Variants in ABAT observed in about 807,000 individuals in gnomAD.
The protein encoded by ABAT is 4-aminobutyrate aminotransferase.
ABAT carries 45 observed loss-of-function variants against 64.6 expected under a neutral mutation model. That is an observed-to-expected ratio of 0.70 (90% confidence interval 0.55 to 0.89). ABAT has a LOEUF of 0.89. ABAT is among the 40% of genes least tolerant of loss of function. The pLI is 0.00. For missense variants in ABAT, 633 were observed against 658.4 expected, an observed-to-expected ratio of 0.96 and a Z score of 0.42; for synonymous variants, 297 against 250.5, an observed-to-expected ratio of 1.19 and a Z score of -1.75.
chr16:8,762,705 C>T (rs1354638470), intron 6 of ABAT, among the ~76,000 whole-genome samples: 2 of 152,154 alleles, frequency 1.3e-5, no homozygotes, highest in Non-Finnish European at 2.9e-5. Context: ...CTTCTGGGAG[C>T]CATTTCCCTG....
Position 8,740,112 on chromosome 16 carries a change from A to T in ABAT, c.70+4303A>T, listed in dbSNP as rs145562865. ...ACTCCTTAAGGTAAAGGAAACTTCA[A>T]GTCAGGGAAATTAAGTTGCCAGAGC... On this transcript the variant is annotated intron_variant, in intron 2 of 15. Transcript: ENST00000268251. Among the ~76,000 whole-genome samples, 76 of 152,182 alleles carry T rather than the reference A, an allele frequency of 5.0e-4. 1 individual carries two copies. In the South Asian group the frequency reaches 5.4e-3, roughly 11 times the overall value.
intron 1 of ABAT, among the ~76,000 whole-genome samples, chr16:8,705,726 G>GT (rs2057925706): frequency 2.0e-5 from 3 of 152,050 alleles, no homozygotes; most frequent in African/African-American, 7.2e-5. Context: ...GGTTTTAGTT[G>GT]TTTTTTTGTT....
At chr16:8,681,886 C>G (rs1013876530) in intron 1 of ABAT, among the ~76,000 whole-genome samples, 1 of 152,088 alleles carries the variant, frequency 6.6e-6, no homozygotes, top group African/African-American at 2.4e-5. Context: ...AGGTGATCCA[C>G]CCGCCTCGGC....
At chr16:8,766,156 C>T (rs367899389) in intron 8 of ABAT, 52 bp from the exon 9 acceptor site, 40 of 1,562,360 alleles carry the variant, frequency 2.6e-5, no homozygotes, top group Non-Finnish European at 3.4e-5. Context: ...AAAGATGAAG[C>T]CCCGACTACC....
intron 2 of ABAT, among the ~76,000 whole-genome samples, chr16:8,744,937 C>T (rs189018115): frequency 1.3e-5 from 2 of 152,272 alleles, no homozygotes; most frequent in East Asian, 3.9e-4. Flanking sequence ...GACTATGCCA[C>T]ATTCTGCTTA....
At chr16:8,690,478 AT>A (rs1014334016) in intron 1 of ABAT, among the ~76,000 whole-genome samples, 4 of 152,150 alleles carry the variant, frequency 2.6e-5, no homozygotes, top group African/African-American at 9.7e-5. Context: ...ATTTTTCTAC[AT>A]TTTTTGTGGT....
chr16:8,731,826 G>C (rs1001156861), intron 1 of ABAT, among the ~76,000 whole-genome samples: 1 of 151,120 alleles, frequency 6.6e-6, no homozygotes, highest in African/African-American at 2.5e-5. Flanking sequence ...CCCAGCCCTC[G>C]GCAACCTCTT....
intron 1 of ABAT, among the ~76,000 whole-genome samples, chr16:8,675,306 G>A (rs992204872): frequency 3.9e-5 from 6 of 152,048 alleles, no homozygotes; most frequent in Non-Finnish European, 8.8e-5. Context: ...CAGAGAGGCA[G>A]GGTGGCCTCT....
Position 8,781,145 on chromosome 16 carries a change from T to G in ABAT, c.1382-164T>G. On this transcript the variant is annotated intron_variant, in intron 15 of 15. Coordinates refer to ENST00000268251, the MANE Select transcript of ABAT (RefSeq NM_020686.6). The surrounding 1 kb of genome is among the most constrained non-coding windows in gnomAD (Gnocchi z 4.5). Reference sequence around the variant, plus strand: ...AGAGAGAAAGGAAATGAAGACTGGATGGGTGGGTGGTAGGAAGGAAGCCCG... The same window carrying G: ...AGAGAGAAAGGAAATGAAGACTGGAGGGGTGGGTGGTAGGAAGGAAGCCCG... The G allele has an allele frequency of 5.2e-6, 5 of 964,912 alleles. No individual in the cohort carries two copies. Among genetic ancestry groups the G allele is most frequent in the Non-Finnish European group, 8.4e-6 (5 of 598,028 alleles). The allele number at this position is 964,912 out of a possible 1,614,324, so 59.8% of individuals were successfully genotyped here. A position where few individuals can be genotyped will look rare whatever the true frequency, so the allele number is the denominator to read the frequency against.
chr16:8,679,964 G>GGCATC lies in ABAT; in HGVS notation c.-42+5254_-42+5258dup, dbSNP rs149503538. On this transcript the variant is annotated intron_variant, in intron 1 of 15. Coordinates refer to ENST00000268251, the MANE Select transcript of ABAT (RefSeq NM_020686.6). ...GTCTTGCCCGTTGCAGGGATGGGAT[G>GGCATC]GCATCATGTGGCCTCTAATTACACA... 3.2e-3 allele frequency among the ~76,000 whole-genome samples: 484 copies of GGCATC among 152,192 alleles called. 2 individuals carry two copies. Among genetic ancestry groups the GGCATC allele is most frequent in the African/African-American group, 0.011 (466 of 41,532 alleles).
At chr16:8,723,826 T>C (rs1567286185) in intron 1 of ABAT, among the ~76,000 whole-genome samples, 1 of 53,898 alleles carries the variant, frequency 1.9e-5, no homozygotes. Context: ...TATATATATA[T>C]ATTTTTTTTT....
rs572433728 is a variant in ABAT, at chr16:8,757,437, G to A, written c.317-320G>A. 2.1e-4 allele frequency: 80 copies of A among 373,862 alleles called. 1 individual carries two copies. Among genetic ancestry groups the A allele is most frequent in the African/African-American group, 1.7e-3 (77 of 46,416 alleles). The allele number at this position is 373,862 out of a possible 1,614,324, so 23.2% of individuals were successfully genotyped here. ...CCCGCCTTGGCCTCCCGAAGTGCTG[G>A]GATTACAGGTGTGAGCCACCACACG... On this transcript the variant is annotated intron_variant, in intron 5 of 15. Coordinates refer to ENST00000268251, the MANE Select transcript of ABAT (RefSeq NM_020686.6).
At chr16:8,730,688 T>C (rs2058692759) in intron 1 of ABAT, among the ~76,000 whole-genome samples, 1 of 151,918 alleles carries the variant, frequency 6.6e-6, no homozygotes, top group African/African-American at 2.4e-5. Flanking sequence ...TGGGGCTGGG[T>C]AGAGTTAGGC....
At chr16:8,679,867 G>T (rs918094602) in intron 1 of ABAT, among the ~76,000 whole-genome samples, 5 of 152,074 alleles carry the variant, frequency 3.3e-5, no homozygotes, top group African/African-American at 1.2e-4. Context: ...TTCTGAGGGG[G>T]TCTGTGCTAT....
At chr16:8,679,637 C>T (rs1201251232) in intron 1 of ABAT, among the ~76,000 whole-genome samples, 2 of 151,798 alleles carry the variant, frequency 1.3e-5, no homozygotes, top group Non-Finnish European at 2.9e-5. Flanking sequence ...TTAGTAGGTG[C>T]TTAATTAACA....
intron 1 of ABAT, chr16:8,722,712 G>C (rs1268712324): frequency 1.2e-6 from 1 of 808,436 alleles, no homozygotes; most frequent in African/African-American, 1.8e-5. Flanking sequence ...GCGTGCCAGT[G>C]CTCTGAAAGC....
At chr16:8,773,158 A>ATATATATTTTTTT (rs1158968222) in intron 12 of ABAT, among the ~76,000 whole-genome samples, 1 of 126,992 alleles carries the variant, frequency 7.9e-6, no homozygotes, top group African/African-American at 3.3e-5. Context: ...ATATATATAT[A>ATATATATTTTTTT]TTTTTTTTTT....
rs923779692 is a variant in ABAT, at chr16:8,776,586, G to C, written c.1269+96G>C. 3 of 1,319,356 alleles carry C rather than the reference G, an allele frequency of 2.3e-6. No homozygotes were observed. Among genetic ancestry groups the C allele is most frequent in the African/African-American group, 2.9e-5 (2 of 68,612 alleles). The allele number at this position is 1,319,356 out of a possible 1,614,324, so 81.7% of individuals were successfully genotyped here. On this transcript the variant is annotated intron_variant, in intron 14 of 15. Transcript: ENST00000268251. This position sits in a 1 kb window ranked among gnomAD's most constrained non-coding sequence, Gnocchi z 4.4. ...AGCTCTTCGGCATGGTGTTGTGCCT[G>C]CTGTTCCAGCAGTTCGTAACGGGCT...
intron 1 of ABAT, among the ~76,000 whole-genome samples, chr16:8,687,428 A>G (rs1343371045): frequency 6.6e-6 from 1 of 152,208 alleles, no homozygotes; most frequent in Non-Finnish European, 1.5e-5. Flanking sequence ...CGGGAGGCTG[A>G]GGCAGGAGAA....
Sources: allele counts gnomAD v4.1 joint callset (sites outside exome capture counted in the v4.1 genomes callset), GRCh38; gene constraint gnomAD v4.1.1; non-coding constraint Gnocchi (gnomAD v3.1); transcripts MANE v1.5; gene names NCBI Gene and HGNC (gene_info 2026-07-23, HGNC 2026-07-21).